NR3C2: variants seen among roughly 807,000 people sequenced by gnomAD.
NR3C2 encodes the protein nuclear receptor subfamily 3 group C member 2.
NR3C2 carries 15 observed loss-of-function variants against 86.4 expected under a neutral mutation model. The ratio of observed to expected loss-of-function variants is 0.17; its 90% CI spans 0.12 to 0.27. The LOEUF (loss-of-function observed/expected upper bound fraction) is 0.27, where lower values mean the gene tolerates loss of function less well. Ranked by LOEUF, NR3C2 falls within the 10% of genes least tolerant of loss-of-function variation. The pLI, the probability that NR3C2 is intolerant of heterozygous loss-of-function variation, is 1.00. For missense variants in NR3C2, 960 were observed against 1,195.6 expected (o/e 0.80, Z 2.91); for synonymous variants, 458 against 450.5 (o/e 1.02, Z -0.21).
intron 2 of NR3C2, among the ~76,000 whole-genome samples, chr4:148,352,373 CATCTATCTATCT>C (rs3045288): frequency 0.02 from 2,913 of 146,294 alleles, 43 homozygotes; most frequent in Middle Eastern, 0.039. Context: ...CAACTCCTAT[CATCTATCTATCT>C]ATCTATCTAT....
chr4:148,288,206 CTCCGTG>C (rs1183251158), intron 2 of NR3C2, among the ~76,000 whole-genome samples: 2 of 152,192 alleles, frequency 1.3e-5, no homozygotes, highest in Admixed American at 6.6e-5. Context: ...TACTCTCTAG[CTCCGTG>C]TCTTTCTTGT....
intron 6 of NR3C2, among the ~76,000 whole-genome samples, chr4:148,137,939 T>C (rs1733422227): frequency 6.6e-6 from 1 of 152,232 alleles, no homozygotes; most frequent in Admixed American, 6.5e-5. Flanking sequence ...ATGTTTTATG[T>C]TATTTATAAT....
chr4:148,366,476 GTACTCA>G, intron 2 of NR3C2, among the ~76,000 whole-genome samples: 1 of 151,336 alleles, frequency 6.6e-6, no homozygotes. Flanking sequence ...TTTTTAAAAA[GTACTCA>G]GCACTTTTAA....
chr4:148,114,318 T>TG, intron 7 of NR3C2, 57 bp from the exon 8 acceptor site: 1 of 1,586,180 alleles, frequency 6.3e-7, no homozygotes, highest in South Asian at 1.1e-5. Flanking sequence ...CTTTAGCATC[T>TG]TGGCAGGTAA....
chr4:148,178,095 TGA>T (rs1462118521), intron 4 of NR3C2, among the ~76,000 whole-genome samples: 1 of 152,214 alleles, frequency 6.6e-6, no homozygotes, highest in Non-Finnish European at 1.5e-5. Context: ...CCTAGCACTT[TGA>T]GAGGCCAAGG....
intron 2 of NR3C2, among the ~76,000 whole-genome samples, chr4:148,320,663 T>C (rs545490945): frequency 1.8e-3 from 270 of 152,120 alleles, no homozygotes; most frequent in South Asian, 3.7e-3. Context: ...TTTATTTGCA[T>C]AGAGGTGTTT....
At chr4:148,417,379 T>C (rs986471182) in intron 2 of NR3C2, among the ~76,000 whole-genome samples, 4 of 152,250 alleles carry the variant, frequency 2.6e-5, no homozygotes, top group African/African-American at 9.6e-5. Context: ...AAGAGTCAGA[T>C]ATGTGTTCAA....
At chr4:148,199,684 TA>T (rs1315231214) in intron 3 of NR3C2, among the ~76,000 whole-genome samples, 2 of 152,194 alleles carry the variant, frequency 1.3e-5, no homozygotes, top group Non-Finnish European at 2.9e-5. Flanking sequence ...AAAGAAGTTC[TA>T]GGATTTAACA....
chr4:148,331,641 A>G (rs542485650), intron 2 of NR3C2, among the ~76,000 whole-genome samples: 1 of 152,218 alleles, frequency 6.6e-6, no homozygotes, highest in Non-Finnish European at 1.5e-5. Context: ...ATATATATGC[A>G]TAGACTTTCA....
chr4:148,400,798 A>G, intron 2 of NR3C2, among the ~76,000 whole-genome samples: 1 of 151,578 alleles, frequency 6.6e-6, no homozygotes, highest in East Asian at 1.9e-4. Flanking sequence ...AAAAAAAAAA[A>G]AAAAAGAGAG....
At chr4:148,130,953 A>G (rs1250001810) in intron 6 of NR3C2, among the ~76,000 whole-genome samples, 4 of 150,174 alleles carry the variant, frequency 2.7e-5, no homozygotes, top group Non-Finnish European at 5.9e-5. Context: ...CCTCCCGAGT[A>G]GCCGGGACCT....
At chr4:148,184,567 A>G (rs1359234271) in intron 4 of NR3C2, among the ~76,000 whole-genome samples, 1 of 151,940 alleles carries the variant, frequency 6.6e-6, no homozygotes, top group East Asian at 1.9e-4. Context: ...TATTTACAAC[A>G]ATATTTATAT....
intron 2 of NR3C2, among the ~76,000 whole-genome samples, chr4:148,323,834 G>A (rs924633719): frequency 2.6e-5 from 4 of 151,350 alleles, no homozygotes; most frequent in Admixed American, 1.3e-4. Flanking sequence ...AGAAATCACC[G>A]TCTTCTGCGT....
At chr4:148,319,844 C>G (rs1471758103) in intron 2 of NR3C2, among the ~76,000 whole-genome samples, 1 of 146,280 alleles carries the variant, frequency 6.8e-6, no homozygotes, top group Non-Finnish European at 1.5e-5. Context: ...TTGACTTCCT[C>G]TTTTCCTAAT....
chr4:148,166,593 T>G (rs1228055012), intron 4 of NR3C2, among the ~76,000 whole-genome samples: 1 of 152,164 alleles, frequency 6.6e-6, no homozygotes, highest in Non-Finnish European at 1.5e-5. Flanking sequence ...TTCATATTTC[T>G]ATCATTTAGT....
intron 2 of NR3C2, among the ~76,000 whole-genome samples, chr4:148,272,958 T>C (rs561322014): frequency 1.1e-4 from 16 of 152,344 alleles, no homozygotes; most frequent in African/African-American, 3.1e-4. Context: ...TCGTTTTAAC[T>C]GCAAGAAGGC....
At chr4:148,437,568 T>G (rs915345185) in intron 1 of NR3C2, among the ~76,000 whole-genome samples, 3 of 152,194 alleles carry the variant, frequency 2.0e-5, no homozygotes, top group African/African-American at 4.8e-5. Context: ...GTATGACAAT[T>G]CAGGAATGAC....
intron 2 of NR3C2, among the ~76,000 whole-genome samples, chr4:148,360,360 T>C (rs1745777418): frequency 6.6e-6 from 1 of 152,176 alleles, no homozygotes; most frequent in South Asian, 2.1e-4. Context: ...AAGCTCCAAC[T>C]AAAAGTGGAT....
In NR3C2 at chr4:148,124,435, T is replaced by C. The variant is rs540113716; in HGVS notation, c.2511-4147A>G. Among the ~76,000 whole-genome samples, 121 of 152,342 alleles carry C rather than the reference T, an allele frequency of 7.9e-4. 2 individuals are homozygous for C. The South Asian group carries it at 0.021, about 26-fold the overall frequency. Reference sequence around the variant, plus strand: ...ATACCTGGGCCTTAATTGTTGCTTTTGGGAAATTTCCTGTTAGTCTAATTG... The same window carrying C: ...ATACCTGGGCCTTAATTGTTGCTTTCGGGAAATTTCCTGTTAGTCTAATTG... On this transcript the variant is annotated intron_variant, in intron 6 of 8. Coordinates refer to ENST00000358102, the MANE Select transcript of NR3C2 (RefSeq NM_000901.5).
Sources: allele counts gnomAD v4.1 joint callset (sites outside exome capture counted in the v4.1 genomes callset), GRCh38; gene constraint gnomAD v4.1.1; transcripts MANE v1.5; gene names NCBI Gene and HGNC (gene_info 2026-07-23, HGNC 2026-07-21).